Variants in GALK2 observed in about 807,000 individuals in gnomAD.
GALK2 encodes galactokinase 2.
In GALK2, 36 loss-of-function variants were observed where a neutral mutation model predicts 52.4. That is an observed-to-expected ratio of 0.69 (90% confidence interval 0.53 to 0.91). The LOEUF (loss-of-function observed/expected upper bound fraction) is 0.91, where lower values mean the gene tolerates loss of function less well. Among genes scored for constraint, GALK2 ranks in the 40% least tolerant of loss-of-function variants. The pLI, the probability that GALK2 is intolerant of heterozygous loss-of-function variation, is 0.00. For missense variants in GALK2, 579 were observed against 559.1 expected (o/e 1.04, Z -0.36); for synonymous variants, 176 against 199.1 (o/e 0.88, Z 0.98).
chr15:49,328,991 T>G lies in GALK2; in HGVS notation c.*832T>G, dbSNP rs2038054554. 2.9e-6 allele frequency: 3 copies of G among 1,038,062 alleles called. No homozygotes were observed. Among genetic ancestry groups the G allele is most frequent in the Non-Finnish European group, 3.5e-6 (3 of 860,882 alleles). 64.3% of individuals were successfully genotyped at this position (1,038,062 alleles called of 1,614,324 possible). A position where few individuals can be genotyped will look rare whatever the true frequency, so the allele number is the denominator to read the frequency against. On this transcript the variant is annotated 3_prime_UTR_variant, in exon 10 of 10. Coordinates refer to ENST00000560031, the MANE Select transcript of GALK2 (RefSeq NM_002044.4). ...CTAGATGATAATTCAGATAATTCAG[T>G]TTGTTCATAGAATTACTTTCTTATC...
At chr15:49,163,343 A>G (rs1295856154) in intron 1 of GALK2, among the ~76,000 whole-genome samples, 1 of 152,102 alleles carries the variant, frequency 6.6e-6, no homozygotes, top group African/African-American at 2.4e-5. Context: ...TGTTTATCTT[A>G]TTACTGTTGA....
At chr15:49,198,390 G>A (rs990206636) in intron 1 of GALK2, among the ~76,000 whole-genome samples, 1 of 152,120 alleles carries the variant, frequency 6.6e-6, no homozygotes, top group African/African-American at 2.4e-5. Flanking sequence ...TGCCAGTGCT[G>A]GGCTGGACAC....
chr15:49,326,090 A>C (rs2037431464), intron 9 of GALK2, among the ~76,000 whole-genome samples: 1 of 152,124 alleles, frequency 6.6e-6, no homozygotes, highest in African/African-American at 2.4e-5. Flanking sequence ...GGCATATTTT[A>C]GATCTTAGAA....
chr15:49,331,591 T>C lies in GALK2; in HGVS notation c.*3432T>C, dbSNP rs1468698407. On this transcript the variant is annotated 3_prime_UTR_variant, in exon 10 of 10. Coordinates refer to ENST00000560031, the MANE Select transcript of GALK2 (RefSeq NM_002044.4). ...AAGCTGGAAATGGGGAATGTGAACA[T>C]GAGTTGTCACTAAATATGTAAAACA... 1 of 532,874 alleles carries C rather than the reference T, an allele frequency of 1.9e-6. No homozygotes were observed. The highest frequency in any genetic ancestry group is 3.0e-5 in the East Asian group (1 of 33,666). 33.0% of individuals were successfully genotyped at this position (532,874 alleles called of 1,614,324 possible).
rs1258025622 is a variant in GALK2, at chr15:49,357,945, A to G, written c.427-9546A>G. Among the ~76,000 whole-genome samples the G allele has an allele frequency of 3.3e-5, 5 of 152,036 alleles. No homozygotes were observed. In the East Asian group the frequency reaches 9.6e-4, roughly 29 times the overall value. The stretch of plus-strand genomic sequence containing the variant: ...AGGCTGGTTCAATATACACAAATCA[A>G]TAAATGTAATCCAGCATATAAACAG... On this transcript the variant is annotated intron_variant, in intron 3 of 3. Transcript: ENST00000558399.
At chr15:49,260,134 T>C (rs1487345022) in intron 5 of GALK2, among the ~76,000 whole-genome samples, 1 of 152,144 alleles carries the variant, frequency 6.6e-6, no homozygotes, top group African/African-American at 2.4e-5. Flanking sequence ...TTTCTAGTTC[T>C]AGATCCCTGA....
intron 3 of GALK2, chr15:49,225,288 A>G (rs1012838073): frequency 2.2e-6 from 1 of 454,392 alleles, no homozygotes; most frequent in African/African-American, 2.0e-5. Context: ...CCTGTAGAGC[A>G]GGGTTCCCCA....
At chr15:49,234,692 C>T (rs928441814) in intron 3 of GALK2, among the ~76,000 whole-genome samples, 6 of 152,190 alleles carry the variant, frequency 3.9e-5, no homozygotes, top group African/African-American at 1.4e-4. Context: ...TCAGGTCCCT[C>T]CCACAACGTG....
chr15:49,190,895 G>GA (rs1240252913), intron 1 of GALK2, among the ~76,000 whole-genome samples: 2 of 151,990 alleles, frequency 1.3e-5, no homozygotes, highest in African/African-American at 4.8e-5. Context: ...GGCATCCCTG[G>GA]AGTCTCTCTG....
chr15:49,209,794 T>A (rs2088659317), intron 2 of GALK2, among the ~76,000 whole-genome samples: 1 of 152,204 alleles, frequency 6.6e-6, no homozygotes, highest in Admixed American at 6.5e-5. Flanking sequence ...CCTGTAGTTT[T>A]CTTTTTCTGT....
intron 8 of GALK2, among the ~76,000 whole-genome samples, chr15:49,318,540 A>C (rs1162757468): frequency 6.6e-6 from 1 of 152,168 alleles, no homozygotes; most frequent in African/African-American, 2.4e-5. Context: ...GATAGCAGTA[A>C]TATTTCAAAA....
At position 49,283,747 on chromosome 15, in the gene GALK2, G is replaced by C. The variant is rs182377211; in HGVS notation, c.756+29G>C. The C allele has an allele frequency of 5.7e-4, 918 of 1,607,004 alleles. 7 individuals carry two copies. In the African/African-American group the frequency reaches 0.011, roughly 19 times the overall value. On this transcript the variant is annotated intron_variant, in intron 7 of 9. Coordinates refer to ENST00000560031, the MANE Select transcript of GALK2 (RefSeq NM_002044.4). ...TGAACTTGGCAGGCTAGTGAAACTT[G>C]AAGTAGGGTTTTTCTTGTCTTTATT... is the stretch of plus-strand genomic sequence containing the variant.
chr15:49,173,768 G>A (rs139029744), intron 1 of GALK2, among the ~76,000 whole-genome samples: 1 of 151,814 alleles, frequency 6.6e-6, no homozygotes, highest in Non-Finnish European at 1.5e-5. Flanking sequence ...TATTTTTTGA[G>A]ACAGAGTCTC....
chr15:49,355,277 C>T (rs984261183), intron 3 of GALK2, among the ~76,000 whole-genome samples: 7 of 152,056 alleles, frequency 4.6e-5, no homozygotes, highest in Admixed American at 1.3e-4. Flanking sequence ...AGGCTTCAGA[C>T]TATCAAATTA....
chr15:49,364,292 C>G (rs566272728), intron 3 of GALK2, among the ~76,000 whole-genome samples: 1 of 152,098 alleles, frequency 6.6e-6, no homozygotes. Flanking sequence ...AATTTCAGAA[C>G]TTGTTATTGG....
chr15:49,175,031 T>A (rs538723444), intron 1 of GALK2, among the ~76,000 whole-genome samples: 1 of 152,018 alleles, frequency 6.6e-6, no homozygotes, highest in South Asian at 2.1e-4. Context: ...TACAATAGAG[T>A]CATACATATT....
chr15:49,346,840 C>A (rs1469955686), intron 3 of GALK2, among the ~76,000 whole-genome samples: 1 of 152,164 alleles, frequency 6.6e-6, no homozygotes, highest in Non-Finnish European at 1.5e-5. Context: ...AAACTACATT[C>A]TTGAAATAAG....
At chr15:49,230,823 C>A (rs2090459222) in intron 3 of GALK2, among the ~76,000 whole-genome samples, 1 of 152,136 alleles carries the variant, frequency 6.6e-6, no homozygotes, top group South Asian at 2.1e-4. Context: ...TTTCAGGATT[C>A]TTTTCTCAGA....
intron 1 of GALK2, among the ~76,000 whole-genome samples, chr15:49,174,566 G>A (rs769766394): frequency 8.5e-5 from 13 of 152,152 alleles, no homozygotes; most frequent in African/African-American, 3.1e-4. Context: ...GGCTGGTTTC[G>A]AACTCCTGAC....
Sources: allele counts gnomAD v4.1 joint callset (sites outside exome capture counted in the v4.1 genomes callset), GRCh38; gene constraint gnomAD v4.1.1; transcripts MANE v1.5; gene names NCBI Gene and HGNC (gene_info 2026-07-23, HGNC 2026-07-21).